Variants in DDX54 observed in about 807,000 individuals in gnomAD.
DDX54 encodes ATP-dependent RNA helicase DDX54.
A neutral mutation model predicts 105.5 loss-of-function variants in DDX54; 67 were observed. That is an observed-to-expected ratio of 0.64 (90% CI 0.52 to 0.78). The LOEUF (loss-of-function observed/expected upper bound fraction) is 0.78. DDX54 is among the 30% of genes least tolerant of loss of function. DDX54 has a pLI of 0.00. For synonymous variants in DDX54, 514 were observed against 509.9 expected, an observed-to-expected ratio of 1.01 and a Z score of -0.11; for missense variants, 1,206 against 1,230.5, an observed-to-expected ratio of 0.98 and a Z score of 0.30.
Position 113,165,688 on chromosome 12 carries a change from G to A in DDX54, c.1675C>T (p.Arg559Trp), listed in dbSNP as rs765866796. The change falls in exon 14 of 20, where the codon CGG becomes TGG. Residue 559 changes from arginine (R) to tryptophan (W), a missense_variant. Physicochemically the swap from Arg to Trp is moderately radical, Grantham distance 101 (BLOSUM62 -3). Coordinates refer to ENST00000306014, the MANE Select transcript of DDX54 (RefSeq NM_024072.4). The part of the protein sequence containing the change: ...SSRFEEEELQ[R>W]LRLVDSIKNY... ...TTTATGCTGTCCACCAGCCTCAGCC[G>A]CTGCAGCTCCTCCTCCTCAAAACGC... is the stretch of plus-strand genomic sequence containing the variant. 6.8e-6 allele frequency: 11 copies of A among 1,613,356 alleles called. No individual in the cohort carries two copies. The highest frequency in any genetic ancestry group is 4.4e-5 in the South Asian group (4 of 90,944).
In DDX54 at chr12:113,172,371, G is replaced by A. The variant is rs761253753; in HGVS notation, c.1261C>T (p.Leu421Phe). 1.2e-6 allele frequency: 2 copies of A among 1,614,192 alleles called. No individual in the cohort carries two copies. Among genetic ancestry groups the A allele is most frequent in the Non-Finnish European group, 1.7e-6 (2 of 1,180,020 alleles). The change falls in exon 11 of 20, where the codon CTC becomes TTC. Residue 421 changes from leucine (L) to phenylalanine (F), a missense_variant. Physicochemically the swap from Leu to Phe is conservative, Grantham distance 22. Coordinates refer to ENST00000306014, the MANE Select transcript of DDX54 (RefSeq NM_024072.4). ...TGCTTACCCACGCGGTGCAGGAAGA[G>A]TTTGCCCTTGGCGGGGAAGCTGTAG... is the stretch of plus-strand genomic sequence containing the variant. ...INYSFPAKGK[L>F]FLHRVGRVAR...
intron 14 of DDX54, among the ~76,000 whole-genome samples, chr12:113,165,277 A>C (rs551649114): frequency 6.6e-6 from 1 of 152,158 alleles, no homozygotes; most frequent in African/African-American, 2.4e-5. Flanking sequence ...AACAGTTGGG[A>C]AGGAGGGAAA....
intron 11 of DDX54, among the ~76,000 whole-genome samples, chr12:113,170,530 T>C (rs1282837321): frequency 6.6e-6 from 1 of 152,132 alleles, no homozygotes. Context: ...CCCTAAGTAC[T>C]TGGGAGGCTG....
intron 12 of DDX54, among the ~76,000 whole-genome samples, chr12:113,168,151 A>C (rs981008775): frequency 6.6e-5 from 10 of 152,166 alleles, no homozygotes; most frequent in Non-Finnish European, 1.0e-4. Flanking sequence ...ACTTTCTGCT[A>C]TGGTGTCTGC....
rs765952014 is a variant in DDX54, at chr12:113,159,081, G to C, written c.2442C>G (p.Thr814=). 1 of 1,606,226 alleles carries C rather than the reference G, an allele frequency of 6.2e-7. No homozygotes were observed. The highest frequency in any genetic ancestry group is 8.5e-7 in the Non-Finnish European group (1 of 1,177,314). Reference sequence around the variant, plus strand: ...GTTCCGGGCGGACTCGGCCTGCAGGGGTGCCTGGGGCGTGGGGCCGGGATG... The same window carrying C: ...GTTCCGGGCGGACTCGGCCTGCAGGCGTGCCTGGGGCGTGGGGCCGGGATG... The part of the protein sequence containing the change: ...QGASRPHAPG[T]PAGRVRPELK... The change falls in exon 20 of 20, where the codon ACC becomes ACG. Residue 814 remains threonine, a synonymous_variant. Transcript: ENST00000306014.
chr12:113,175,561 G>A (rs1028431338), intron 7 of DDX54, among the ~76,000 whole-genome samples: 2 of 152,172 alleles, frequency 1.3e-5, no homozygotes, highest in Admixed American at 6.5e-5. Context: ...GGCCAAGGCG[G>A]GCGGATCATG....
intron 11 of DDX54, among the ~76,000 whole-genome samples, chr12:113,170,840 C>T (rs1952328742): frequency 6.6e-6 from 1 of 152,046 alleles, no homozygotes. Flanking sequence ...CACAGAATGA[C>T]ATTTCATAGT....
chr12:113,174,688 C>G lies in DDX54; in HGVS notation c.1020G>C (p.Gln340His). The G allele has an allele frequency of 6.2e-7, 1 of 1,610,356 alleles. No individual in the cohort carries two copies. Among genetic ancestry groups the G allele is most frequent in the Middle Eastern group, 1.7e-4 (1 of 6,052 alleles). ...LLHNVVRPQD[Q>H]TVVFVATKHH... ...GCTTCGTGGCCACAAACACCACGGT[C>G]TGGTCCTGGGGCCGCACCACGTTGT... The change falls in exon 10 of 20, where the codon CAG becomes CAC. Residue 340 changes from glutamine to histidine, a missense_variant. Physicochemically the swap from Gln to His is conservative, Grantham distance 24. Around this residue, in one of 3 missense-constraint regions of DDX54, gnomAD observed 961 missense variants for 1,019.1 expected, o/e 0.94. Coordinates refer to ENST00000306014, the MANE Select transcript of DDX54 (RefSeq NM_024072.4).
intron 10 of DDX54, 142 bp downstream of exon 10, chr12:113,174,498 A>T: frequency 7.8e-7 from 1 of 1,283,608 alleles, no homozygotes; most frequent in Non-Finnish European, 1.0e-6. Context: ...AAAAAATAAA[A>T]AATAAAAATA....
intron 2 of DDX54, 54 bp downstream of exon 2, chr12:113,180,875 G>A: frequency 6.2e-7 from 1 of 1,608,762 alleles, no homozygotes. Context: ...GCAGAGGCGG[G>A]GTTGACCTCC....
intron 7 of DDX54, among the ~76,000 whole-genome samples, chr12:113,175,558 G>T (rs1593006082): frequency 2.6e-5 from 4 of 152,198 alleles, no homozygotes; most frequent in Admixed American, 2.0e-4. Flanking sequence ...GGAGGCCAAG[G>T]CGGGCGGATC....
In DDX54 at chr12:113,164,252, G is replaced by T; in HGVS notation, c.1753C>A (p.Leu585Met). Residue 585 changes from leucine to methionine, a missense_variant, in exon 15 of 20, where the codon CTG becomes ATG. Leu to Met is a conservative substitution (Grantham distance 15). Around this residue, in one of 3 missense-constraint regions of DDX54, gnomAD observed 961 missense variants for 1,019.1 expected, o/e 0.94. Coordinates refer to ENST00000306014, the MANE Select transcript of DDX54 (RefSeq NM_024072.4). ...TTGGCGCGCATCACCTGGCTGCACA[G>T]GTCTCGGCTGGAGGCGTTGATCTCA... ...IFEINASSRD[L>M]CSQVMRAKRQ... is the part of the protein sequence containing the mutation. The T allele has an allele frequency of 6.3e-7, 1 of 1,596,348 alleles. No individual in the cohort carries two copies.
intron 17 of DDX54, 110 bp downstream of exon 17, chr12:113,162,822 C>G: frequency 9.2e-7 from 1 of 1,083,818 alleles, no homozygotes; most frequent in Non-Finnish European, 1.3e-6. Flanking sequence ...TCACTCACCC[C>G]GGGCATGGAG....
rs1413676452 is a variant in DDX54 at position 113,172,390 on chromosome 12, G to A, written c.1242C>T (p.Ser414=). Residue 414 remains serine (S), a synonymous_variant, in exon 11 of 20, where the codon AGC becomes AGT. Transcript: ENST00000306014. ...IPLLDNVINY[S]FPAKGKLFLH... Reference sequence around the variant, plus strand: ...GGAAGAGTTTGCCCTTGGCGGGGAAGCTGTAGTTGATGACATTGTCCAGCA... The same window carrying A: ...GGAAGAGTTTGCCCTTGGCGGGGAAACTGTAGTTGATGACATTGTCCAGCA... 9 of 1,614,200 alleles carry A rather than the reference G, an allele frequency of 5.6e-6. No individual in the cohort carries two copies. Among genetic ancestry groups the A allele is most frequent in the Non-Finnish European group, 7.6e-6 (9 of 1,180,030 alleles).
intron 10 of DDX54, among the ~76,000 whole-genome samples, chr12:113,173,167 C>T (rs1383581969): frequency 6.6e-6 from 1 of 152,066 alleles, no homozygotes; most frequent in Non-Finnish European, 1.5e-5. Context: ...CAGCAAGACA[C>T]CATCTCTACA....
intron 12 of DDX54, 73 bp downstream of exon 12, chr12:113,169,689 CCCAGCCCT>C: frequency 1.3e-6 from 2 of 1,519,560 alleles, no homozygotes. Context: ...TGGGGTCAAA[CCCAGCCCT>C]ACCTCCTCCC....
intron 1 of DDX54, among the ~76,000 whole-genome samples, chr12:113,181,325 C>G (rs990579177): frequency 2.7e-5 from 4 of 150,928 alleles, no homozygotes; most frequent in Non-Finnish European, 4.4e-5. Flanking sequence ...CAGGGTCTTA[C>G]TCTGTCACCC....
chr12:113,171,236 C>T (rs1593003276), intron 11 of DDX54, among the ~76,000 whole-genome samples: 3 of 152,320 alleles, frequency 2.0e-5, no homozygotes, highest in South Asian at 2.1e-4. Flanking sequence ...AGTAGAATAA[C>T]AGTTACCAGG....
chr12:113,181,153 T>C (rs1952462473), intron 1 of DDX54, 95 bp from the exon 2 acceptor site: 2 of 1,421,704 alleles, frequency 1.4e-6, no homozygotes, highest in South Asian at 3.0e-5. Flanking sequence ...CTCTCCCCCA[T>C]TCAAGCCAAT....
Sources: allele counts gnomAD v4.1 joint callset (sites outside exome capture counted in the v4.1 genomes callset), GRCh38; gene constraint gnomAD v4.1.1; regional missense constraint gnomAD v4.1.1; transcripts MANE v1.5; gene names NCBI Gene and HGNC (gene_info 2026-07-23, HGNC 2026-07-21).